Variants in KCNT1 observed in about 807,000 individuals in gnomAD.
KCNT1 encodes potassium channel subfamily T member 1.
In KCNT1, 78 loss-of-function variants were observed where a neutral mutation model predicts 147.8. That is an observed-to-expected ratio of 0.53 (90% CI 0.44 to 0.64). The LOEUF (loss-of-function observed/expected upper bound fraction) is 0.64. Ranked by LOEUF, KCNT1 falls within the 30% of genes least tolerant of loss-of-function variation. The pLI is 0.00. For missense variants in KCNT1, 1,419 were observed against 1,750.3 expected, an observed-to-expected ratio of 0.81 and a Z score of 3.38; for synonymous variants, 867 against 748.8, an observed-to-expected ratio of 1.16 and a Z score of -2.58.
chr9:135,775,305 C>T lies in KCNT1; in HGVS notation c.2244-5C>T, dbSNP rs746682785. ...TGTGCTGAGGGCTCCTGTCTCCTGC[C>T]CCAGGTATGTGAAGGGCTACCCTCC... On this transcript the variant is annotated splice_polypyrimidine_tract_variant and splice_region_variant and intron_variant, in intron 19 of 30. Transcript: ENST00000371757. 6.9e-6 allele frequency: 11 copies of T among 1,602,270 alleles called. No individual in the cohort carries two copies. Among genetic ancestry groups the T allele is most frequent in the Admixed American group, 1.7e-5 (1 of 58,552 alleles).
At chr9:135,779,296 C>A in intron 23 of KCNT1, 63 bp from the exon 24 acceptor site, 3 of 961,360 alleles carry the variant, frequency 3.1e-6, no homozygotes, top group Non-Finnish European at 4.9e-6. Context: ...TGATCATGGG[C>A]CCCCACCCTG....
intron 2 of KCNT1, among the ~76,000 whole-genome samples, chr9:135,731,975 TATATATATATATATATAGAGAGAGAG>T (rs1564327861): frequency 7.6e-5 from 2 of 26,442 alleles, no homozygotes; most frequent in Non-Finnish European, 1.5e-4. Flanking sequence ...TATATATATA[TATATATATATATATATAGAGAGAGAG>T]AGAGAGAGAG....
At chr9:135,736,003 C>T (rs1010290100) in intron 2 of KCNT1, among the ~76,000 whole-genome samples, 8 of 152,250 alleles carry the variant, frequency 5.3e-5, no homozygotes, top group African/African-American at 7.2e-5. Context: ...GGCAGACCAG[C>T]GCTGCACACA....
At position 135,752,257 on chromosome 9, in the gene KCNT1, G is replaced by A; in HGVS notation, c.434+1216G>A. ...GGAGCCTGGCTTCTGGGGACCTAAA[G>A]GCGTCCATGTAAACTTTTGCTCAAT... On this transcript the variant is annotated intron_variant, in intron 4 of 30. Coordinates refer to ENST00000371757, the MANE Select transcript of KCNT1 (RefSeq NM_020822.3). The surrounding 1 kb of genome is among the most constrained non-coding windows in gnomAD (Gnocchi z 5.1). 1 of 427,706 alleles carries A rather than the reference G, an allele frequency of 2.3e-6. No homozygotes were observed. Among genetic ancestry groups the A allele is most frequent in the Non-Finnish European group, 4.7e-6 (1 of 214,036 alleles). The allele number at this position is 427,706 out of a possible 1,614,324, so 26.5% of individuals were successfully genotyped here.
At chr9:135,770,500 T>C (rs1238201573) in intron 17 of KCNT1, 53 bp downstream of exon 17, 5 of 1,554,334 alleles carry the variant, frequency 3.2e-6, no homozygotes, top group Non-Finnish European at 3.5e-6. Context: ...CTCTGCTCTG[T>C]GCCCTCCCCA....
At chr9:135,770,797 C>A in intron 17 of KCNT1, 60 bp from the exon 18 acceptor site, 1 of 1,424,892 alleles carries the variant, frequency 7.0e-7, no homozygotes, top group Non-Finnish European at 9.6e-7. Flanking sequence ...GAAGGGCAGG[C>A]AGGGAGCGGG....
intron 28 of KCNT1, chr9:135,785,961 C>G: frequency 1.8e-6 from 1 of 568,412 alleles, no homozygotes; most frequent in Non-Finnish European, 3.1e-6. Flanking sequence ...CAGGCCCGGG[C>G]AGGGTGGGTG....
intron 19 of KCNT1, among the ~76,000 whole-genome samples, chr9:135,774,902 G>C (rs1038815630): frequency 6.6e-6 from 1 of 152,006 alleles, no homozygotes; most frequent in Non-Finnish European, 1.5e-5. Context: ...CCCACCCCTC[G>C]GTCTCCTCCA....
chr9:135,707,688 C>T (rs1163558723), intron 1 of KCNT1, among the ~76,000 whole-genome samples: 2 of 152,184 alleles, frequency 1.3e-5, no homozygotes, highest in Non-Finnish European at 2.9e-5. Context: ...CTGGCCCAAG[C>T]CCAGGCTTCT....
At chr9:135,740,009 C>A (rs977827486) in intron 2 of KCNT1, among the ~76,000 whole-genome samples, 1 of 152,142 alleles carries the variant, frequency 6.6e-6, no homozygotes, top group African/African-American at 2.4e-5. Flanking sequence ...CTCCTGAGGC[C>A]CCTCCCCTTG....
chr9:135,792,301 G>A lies in KCNT1; in HGVS notation c.*140G>A, dbSNP rs927759351. ...ACCATGGCTCCTGGGACTCCACCCT[G>A]GAAAGGAGCCCCTCATGCGGGGGGA... On this transcript the variant is annotated 3_prime_UTR_variant, in exon 31 of 31. Transcript: ENST00000371757. 8.8e-7 allele frequency: 1 copy of A among 1,133,994 alleles called. No individual in the cohort carries two copies. The highest frequency in any genetic ancestry group is 1.2e-6 in the Non-Finnish European group (1 of 828,218). 70.2% of individuals were successfully genotyped at this position (1,133,994 alleles called of 1,614,324 possible). A position where few individuals can be genotyped will look rare whatever the true frequency, so the allele number is the denominator to read the frequency against.
chr9:135,761,661 C>T (rs1442978666), intron 11 of KCNT1, among the ~76,000 whole-genome samples: 2 of 152,256 alleles, frequency 1.3e-5, no homozygotes, highest in Non-Finnish European at 2.9e-5. Flanking sequence ...GCCCACACTT[C>T]ACCACGTGGC....
Position 135,779,936 on chromosome 9 carries a change from G to A in KCNT1, c.2841+466G>A, listed in dbSNP as rs1362087414. Among the ~76,000 whole-genome samples, 4 of 152,382 alleles carry A rather than the reference G, an allele frequency of 2.6e-5. No individual in the cohort carries two copies. The South Asian group carries it at 6.2e-4, about 24-fold the overall frequency. On this transcript the variant is annotated intron_variant, in intron 24 of 30. Coordinates refer to ENST00000371757, the MANE Select transcript of KCNT1 (RefSeq NM_020822.3). ...TACGCCCGACCTTGAAACAGGTTCAGTATAACCACTGCCTCCTTGTATTGA... is the reference window on the plus strand; with the variant it reads ...TACGCCCGACCTTGAAACAGGTTCAATATAACCACTGCCTCCTTGTATTGA...
intron 1 of KCNT1, among the ~76,000 whole-genome samples, chr9:135,706,702 G>A (rs1432992791): frequency 2.0e-5 from 3 of 152,206 alleles, no homozygotes; most frequent in Non-Finnish European, 4.4e-5. Flanking sequence ...GGCACCAATA[G>A]TGCTTTTGCC....
At chr9:135,741,781 G>A (rs931219995) in intron 2 of KCNT1, among the ~76,000 whole-genome samples, 2 of 152,264 alleles carry the variant, frequency 1.3e-5, no homozygotes, top group Non-Finnish European at 2.9e-5. Flanking sequence ...GAAGACTGTG[G>A]TCCTCTCTGA....
rs545915012 is a variant in KCNT1 at position 135,788,539 on chromosome 9, C to T, written c.3502+2018C>T. ...CCTACAGCCAGCCCTTCCCTGTGGC[C>T]GGCCCCACAAGCAGTCTGAGGACCC... On this transcript the variant is annotated intron_variant, in intron 29 of 30. Coordinates refer to ENST00000371757, the MANE Select transcript of KCNT1 (RefSeq NM_020822.3). 2.9e-4 allele frequency among the ~76,000 whole-genome samples: 44 copies of T among 152,346 alleles called. No homozygotes were observed. In the Middle Eastern group the frequency reaches 0.01, roughly 35 times the overall value.
At chr9:135,723,932 C>T (rs542790042) in intron 2 of KCNT1, among the ~76,000 whole-genome samples, 3 of 152,204 alleles carry the variant, frequency 2.0e-5, no homozygotes, top group Non-Finnish European at 4.4e-5. Context: ...AGTGTCCGTT[C>T]CCCTGAGGGT....
Position 135,784,520 on chromosome 9 carries a change from T to G in KCNT1, c.2944-15T>G. 2 of 169,026 alleles carry G rather than the reference T, an allele frequency of 1.2e-5. No individual in the cohort carries two copies. The highest frequency in any genetic ancestry group is 2.3e-5 in the Non-Finnish European group (2 of 85,950). 10.5% of individuals were successfully genotyped at this position (169,026 alleles called of 1,614,324 possible). A position where few individuals can be genotyped will look rare whatever the true frequency, so the allele number is the denominator to read the frequency against. On this transcript the variant is annotated splice_polypyrimidine_tract_variant and intron_variant, in intron 25 of 30. Coordinates refer to ENST00000371757, the MANE Select transcript of KCNT1 (RefSeq NM_020822.3). The stretch of plus-strand genomic sequence containing the variant: ...CTCCCTCCCTCCCTCCCTCCCTCCC[T>G]CCCTCCCTGGCCAGTCCTTCGTGAA...
Position 135,774,570 on chromosome 9 carries a change from CTG to C in KCNT1, c.2244-734_2244-733del, listed in dbSNP as rs965894046. On this transcript the variant is annotated intron_variant, in intron 19 of 30. Transcript: ENST00000371757. ...GTGTTGTGTGGTCTGTGTGGTGTGT[CTG>C]TGTGTTGTGTGTCCATGTGTGGTAC... Among the ~76,000 whole-genome samples, 8 of 145,232 alleles carry C rather than the reference CTG, an allele frequency of 5.5e-5. No homozygotes were observed. The South Asian group carries it at 6.6e-4, about 12-fold the overall frequency.
Sources: gnomAD v4.1 joint callset for allele counts (sites outside exome capture counted in the v4.1 genomes callset) on GRCh38, gnomAD v4.1.1 for gene constraint, Gnocchi (gnomAD v3.1) non-coding constraint, MANE v1.5 for transcripts, NCBI Gene and HGNC (gene_info 2026-07-23, HGNC 2026-07-21) for gene names.